The following RAPGEF2 variants were observed in gnomAD, a reference collection of about 807,000 sequenced individuals.
The protein encoded by RAPGEF2 is Rap guanine nucleotide exchange factor 2.
A neutral mutation model predicts 186.7 loss-of-function variants in RAPGEF2; 54 were observed. That is an observed-to-expected ratio of 0.29 (90% confidence interval 0.23 to 0.36). The LOEUF (loss-of-function observed/expected upper bound fraction) is 0.36, where lower values mean the gene tolerates loss of function less well. RAPGEF2 is among the 10% of genes least tolerant of loss of function. The pLI, the probability that RAPGEF2 is intolerant of heterozygous loss-of-function variation, is 1.00. For missense variants in RAPGEF2, 1,532 were observed against 2,045.0 expected (o/e 0.75, Z 4.84); for synonymous variants, 712 against 705.9 (o/e 1.01, Z -0.14).
At chr4:159,158,418 A>C (rs572145692) in intron 1 of RAPGEF2, among the ~76,000 whole-genome samples, 39 of 152,314 alleles carry the variant, frequency 2.6e-4, no homozygotes, top group Non-Finnish European at 4.6e-4. Context: ...TTATCTAGTT[A>C]ATCTCCAGTC....
intron 24 of RAPGEF2, 100 bp downstream of exon 24, chr4:159,345,429 G>T (rs935576185): frequency 1.9e-6 from 2 of 1,039,376 alleles, no homozygotes; most frequent in South Asian, 1.5e-5. Context: ...TAGTGCAGAG[G>T]GGGAGCTAGC....
intron 1 of RAPGEF2, among the ~76,000 whole-genome samples, chr4:159,119,402 T>A (rs1463219058): frequency 2.0e-5 from 3 of 152,214 alleles, no homozygotes; most frequent in African/African-American, 7.2e-5. Context: ...GTCACATGGC[T>A]ACTCTTGGCT....
intron 1 of RAPGEF2, among the ~76,000 whole-genome samples, chr4:159,161,142 G>A (rs1015045602): frequency 5.9e-5 from 9 of 152,004 alleles, no homozygotes; most frequent in Non-Finnish European, 2.9e-5. Flanking sequence ...ATTAAAAACG[G>A]ATTTCTGTGT....
rs573117020 is a variant in RAPGEF2 at position 159,281,983 on chromosome 4, G to A, written c.544-22359G>A. On this transcript the variant is annotated intron_variant, in intron 7 of 29. Transcript: ENST00000691494. ...GTGGGTTGGAACCCAACTCTTCTCT[G>A]TAGCTGTGTGACAGTAGGCAGATTG... 2.0e-5 allele frequency among the ~76,000 whole-genome samples: 3 copies of A among 152,272 alleles called. No individual in the cohort carries two copies. In the East Asian group the frequency reaches 5.8e-4, roughly 29 times the overall value.
At chr4:159,305,530 A>G (rs6536409) in intron 8 of RAPGEF2, among the ~76,000 whole-genome samples, 5 of 151,876 alleles carry the variant, frequency 3.3e-5, no homozygotes, top group Non-Finnish European at 7.4e-5. Context: ...ATGGGATTAA[A>G]TTTTTTGCTG....
intron 1 of RAPGEF2, among the ~76,000 whole-genome samples, chr4:159,152,650 C>A (rs749232637): frequency 2.0e-5 from 3 of 152,120 alleles, no homozygotes; most frequent in Non-Finnish European, 4.4e-5. Flanking sequence ...TGGAATCTCG[C>A]TCTGTCACCC....
chr4:159,263,315 A>G (rs1236506929), intron 7 of RAPGEF2, among the ~76,000 whole-genome samples: 1 of 152,208 alleles, frequency 6.6e-6, no homozygotes, highest in Admixed American at 6.5e-5. Flanking sequence ...GACCATATCT[A>G]CCATCTTTTA....
At chr4:159,157,729 G>C (rs1011288277) in intron 1 of RAPGEF2, among the ~76,000 whole-genome samples, 1 of 152,198 alleles carries the variant, frequency 6.6e-6, no homozygotes, top group African/African-American at 2.4e-5. Flanking sequence ...GGTTTTCCTT[G>C]TTAATCATAA....
chr4:159,355,955 A>C lies in RAPGEF2; in HGVS notation c.4754A>C (p.Lys1585Thr), dbSNP rs1245851128. The part of the protein sequence containing the change: ...FPEGHSHPAR[K>T]PPDYNVALQR... Reference sequence around the variant, plus strand: ...GAAGGGCACTCCCATCCAGCCAGGAAACCGCCGGACTACAACGTGGCCCTT... The same window carrying C: ...GAAGGGCACTCCCATCCAGCCAGGACACCGCCGGACTACAACGTGGCCCTT... The change falls in exon 29 of 30, where the codon AAA becomes ACA. Residue 1585 changes from lysine to threonine, a missense_variant. Coordinates refer to ENST00000691494, the MANE Select transcript of RAPGEF2 (RefSeq NM_001394067.2). 6.3e-7 allele frequency: 1 copy of C among 1,599,552 alleles called. No homozygotes were observed. The highest frequency in any genetic ancestry group is 8.5e-7 in the Non-Finnish European group (1 of 1,173,412).
chr4:159,190,687 A>C (rs1748035843), intron 2 of RAPGEF2, among the ~76,000 whole-genome samples: 1 of 152,156 alleles, frequency 6.6e-6, no homozygotes, highest in Admixed American at 6.5e-5. Context: ...TTTTTTCACA[A>C]GTGGCAGGAG....
At chr4:159,310,344 T>G (rs1763815704) in intron 8 of RAPGEF2, among the ~76,000 whole-genome samples, 1 of 152,136 alleles carries the variant, frequency 6.6e-6, no homozygotes, top group Non-Finnish European at 1.5e-5. Flanking sequence ...TAAAAAATTG[T>G]TCTTCTCTTT....
intron 7 of RAPGEF2, among the ~76,000 whole-genome samples, chr4:159,290,556 T>C (rs1335418839): frequency 6.6e-6 from 1 of 152,162 alleles, no homozygotes; most frequent in East Asian, 1.9e-4. Flanking sequence ...ATTAAAAGTT[T>C]GTATTAATTT....
chr4:159,185,785 G>A (rs1747496030), intron 1 of RAPGEF2, among the ~76,000 whole-genome samples: 1 of 152,026 alleles, frequency 6.6e-6, no homozygotes, highest in South Asian at 2.1e-4. Context: ...TCACTTTAAA[G>A]GGATACATTT....
intron 1 of RAPGEF2, among the ~76,000 whole-genome samples, chr4:159,155,438 G>T (rs906242641): frequency 1.3e-5 from 2 of 152,188 alleles, no homozygotes; most frequent in Non-Finnish European, 1.5e-5. Context: ...TTCAGTAATA[G>T]AATTCTGTCT....
At chr4:159,243,639 A>C in intron 6 of RAPGEF2, 135 bp from the exon 7 acceptor site, 1 of 532,930 alleles carries the variant, frequency 1.9e-6, no homozygotes, top group Non-Finnish European at 3.2e-6. Flanking sequence ...CATTATACAT[A>C]TAGCTGATTC....
intron 22 of RAPGEF2, among the ~76,000 whole-genome samples, chr4:159,343,674 C>T (rs1206411369): frequency 6.6e-6 from 1 of 152,182 alleles, no homozygotes; most frequent in East Asian, 1.9e-4. Flanking sequence ...TTTCTCAGAA[C>T]ACTGACTTGT....
At chr4:159,126,038 T>C (rs1740264379) in intron 1 of RAPGEF2, among the ~76,000 whole-genome samples, 1 of 152,202 alleles carries the variant, frequency 6.6e-6, no homozygotes, top group Admixed American at 6.5e-5. Context: ...CACTTCCCAA[T>C]AGCAATGTTG....
At chr4:159,112,255 A>G (rs556263167) in intron 1 of RAPGEF2, among the ~76,000 whole-genome samples, 24 of 152,346 alleles carry the variant, frequency 1.6e-4, no homozygotes, top group African/African-American at 5.3e-4. Context: ...AATAGTGACA[A>G]TGAAGAGAAA....
intron 1 of RAPGEF2, among the ~76,000 whole-genome samples, chr4:159,137,475 T>C (rs994610679): frequency 1.3e-5 from 2 of 152,184 alleles, no homozygotes; most frequent in Non-Finnish European, 2.9e-5. Flanking sequence ...CAACCTTGAT[T>C]ACCTCCCAGA....
Sources: allele counts gnomAD v4.1 joint callset (sites outside exome capture counted in the v4.1 genomes callset), GRCh38; gene constraint gnomAD v4.1.1; transcripts MANE v1.5; gene names NCBI Gene and HGNC (gene_info 2026-07-23, HGNC 2026-07-21).